Variants in AK2 observed in about 807,000 individuals in gnomAD.
The protein encoded by AK2 is adenylate kinase 2, mitochondrial.
AK2 carries 15 observed loss-of-function variants against 24.6 expected under a neutral mutation model. The observed-to-expected ratio is 0.61, with a 90% CI of 0.41 to 0.94. AK2 has a LOEUF of 0.94. Ranked by LOEUF, AK2 falls within the 40% of genes least tolerant of loss-of-function variation. AK2 has a pLI of 0.00. For missense variants in AK2, 257 were observed against 304.1 expected (o/e 0.85, Z 1.15); for synonymous variants, 102 against 114.0 (o/e 0.90, Z 0.67).
chr1:33,031,397 G>C (rs74672343), intron 1 of AK2: 20 of 311,372 alleles, frequency 6.4e-5, no homozygotes, highest in Non-Finnish European at 1.2e-4. Flanking sequence ...TCAGTAAAAA[G>C]GACCTATCTC....
chr1:33,031,794 C>A, intron 1 of AK2: 1 of 411,354 alleles, frequency 2.4e-6, no homozygotes, highest in Non-Finnish European at 5.0e-6. Flanking sequence ...AAGTTTGACA[C>A]ATGGAAGAAA....
chr1:33,011,866 C>T lies in AK2; in HGVS notation c.*1315G>A. Reference sequence around the variant, plus strand: ...TTCTTGGGGAAGTCCATGGCTATAGCCATCATAAAATTAGGGGTGAAGGGT... The same window carrying T: ...TTCTTGGGGAAGTCCATGGCTATAGTCATCATAAAATTAGGGGTGAAGGGT... On this transcript the variant is annotated 3_prime_UTR_variant, in exon 6 of 6. Transcript: ENST00000672715. 1 of 1,526,228 alleles carries T rather than the reference C, an allele frequency of 6.6e-7. No individual in the cohort carries two copies. The highest frequency in any genetic ancestry group is 8.8e-7 in the Non-Finnish European group (1 of 1,142,662). 94.5% of individuals were successfully genotyped at this position (1,526,228 alleles called of 1,614,324 possible).
At chr1:33,017,971 C>T (rs1375296848) in intron 4 of AK2, among the ~76,000 whole-genome samples, 2 of 152,030 alleles carry the variant, frequency 1.3e-5, no homozygotes, top group Non-Finnish European at 2.9e-5. Context: ...TGCTATGTTG[C>T]TCAAGCTGGT....
At position 33,009,645 on chromosome 1, in the gene AK2, A is replaced by C. The variant is rs1014224717; in HGVS notation, c.*3536T>G. The C allele has an allele frequency of 2.2e-6, 1 of 454,024 alleles. No homozygotes were observed. The highest frequency in any genetic ancestry group is 2.0e-5 in the African/African-American group (1 of 50,012). 28.1% of individuals were successfully genotyped at this position (454,024 alleles called of 1,614,324 possible). ...AGCTGAGGAAACAGGAGCACAGTGAATAACTAACTGGCTGGGATTTGTCCT... is the reference window on the plus strand; with the variant it reads ...AGCTGAGGAAACAGGAGCACAGTGACTAACTAACTGGCTGGGATTTGTCCT... On this transcript the variant is annotated 3_prime_UTR_variant, in exon 6 of 6. Coordinates refer to ENST00000672715, the MANE Select transcript of AK2 (RefSeq NM_001625.4).
intron 1 of AK2, among the ~76,000 whole-genome samples, chr1:33,026,931 G>C (rs1171482049): frequency 2.0e-5 from 3 of 151,620 alleles, no homozygotes; most frequent in African/African-American, 4.8e-5. Context: ...TTCGAGACTA[G>C]CCTGGCCAAC....
At chr1:33,035,940 G>C (rs951240608) in intron 1 of AK2, among the ~76,000 whole-genome samples, 1 of 151,986 alleles carries the variant, frequency 6.6e-6, no homozygotes, top group African/African-American at 2.4e-5. Flanking sequence ...CCAAAGGGAA[G>C]GAAGATACAA....
At chr1:33,032,753 T>G (rs2124384970) in intron 1 of AK2, among the ~76,000 whole-genome samples, 1 of 152,268 alleles carries the variant, frequency 6.6e-6, no homozygotes, top group South Asian at 2.1e-4. Flanking sequence ...TATATACTAA[T>G]TAAGTATAAA....
chr1:33,016,452 C>T lies in AK2; in HGVS notation c.426-1858G>A, dbSNP rs367742570. Among the ~76,000 whole-genome samples, 73 of 152,086 alleles carry T rather than the reference C, an allele frequency of 4.8e-4. 1 individual carries two copies. Among genetic ancestry groups the T allele is most frequent in the African/African-American group, 1.5e-3 (62 of 41,496 alleles). ...GGTCTCGATCTCCTGACCTCGTGAT[C>T]CACCTGCCTCAGCCTTCCGAAGTGC... is the stretch of plus-strand genomic sequence containing the variant. On this transcript the variant is annotated intron_variant, in intron 4 of 5. Coordinates refer to ENST00000672715, the MANE Select transcript of AK2 (RefSeq NM_001625.4).
rs1038849318 is a variant in AK2, at chr1:33,008,643, G to C, written c.*4538C>G. 8.8e-6 allele frequency: 4 copies of C among 454,090 alleles called. No individual in the cohort carries two copies. The Admixed American group carries it at 9.4e-5, about 11-fold the overall frequency. 28.1% of individuals were successfully genotyped at this position (454,090 alleles called of 1,614,324 possible). ...TCAGTCCTGACTGCCTCTTATGCATGACCTCAGGAATGCCACTTCACCTCT... is the reference window on the plus strand; with the variant it reads ...TCAGTCCTGACTGCCTCTTATGCATCACCTCAGGAATGCCACTTCACCTCT... On this transcript the variant is annotated 3_prime_UTR_variant, in exon 6 of 6. Coordinates refer to ENST00000672715, the MANE Select transcript of AK2 (RefSeq NM_001625.4).
At chr1:33,025,660 G>A (rs893411060) in intron 1 of AK2, among the ~76,000 whole-genome samples, 1 of 152,190 alleles carries the variant, frequency 6.6e-6, no homozygotes, top group African/African-American at 2.4e-5. Context: ...CAGACTCCAG[G>A]TCCACTAACC....
chr1:33,023,029 G>A (rs1639652520), intron 2 of AK2, among the ~76,000 whole-genome samples: 2 of 152,138 alleles, frequency 1.3e-5, no homozygotes, highest in African/African-American at 2.4e-5. Flanking sequence ...ATTTGATACA[G>A]CTACAGAATC....
chr1:33,012,644 C>T lies in AK2; in HGVS notation c.*537G>A. On this transcript the variant is annotated 3_prime_UTR_variant, in exon 6 of 6. Coordinates refer to ENST00000672715, the MANE Select transcript of AK2 (RefSeq NM_001625.4). ...GGGTGTAGTGGCTCACGTCTGTGAT[C>T]CTGGCACTTCAGGAGGCCAAGGTGG... 1 of 1,287,726 alleles carries T rather than the reference C, an allele frequency of 7.8e-7. No individual in the cohort carries two copies. The highest frequency in any genetic ancestry group is 1.2e-5 in the South Asian group (1 of 80,856). 79.8% of individuals were successfully genotyped at this position (1,287,726 alleles called of 1,614,324 possible). A position where few individuals can be genotyped will look rare whatever the true frequency, so the allele number is the denominator to read the frequency against.
Position 33,010,086 on chromosome 1 carries a change from C to T in AK2, c.*3095G>A, listed in dbSNP as rs201444233. The T allele has an allele frequency of 2.7e-6, 1 of 367,862 alleles. No homozygotes were observed. The highest frequency in any genetic ancestry group is 2.8e-5 in the Admixed American group (1 of 35,330). The allele number at this position is 367,862 out of a possible 1,614,324, so 22.8% of individuals were successfully genotyped here. A position where few individuals can be genotyped will look rare whatever the true frequency, so the allele number is the denominator to read the frequency against. On this transcript the variant is annotated 3_prime_UTR_variant, in exon 6 of 6. Coordinates refer to ENST00000672715, the MANE Select transcript of AK2 (RefSeq NM_001625.4). ...TCTTTGGATGACATAGCTTAGGACA[C>T]TTGCTCATTTATTTAAAAGAGTCCC...
chr1:33,014,767 C>T (rs1467519019), intron 4 of AK2, among the ~76,000 whole-genome samples, 173 bp from the exon 5 acceptor site: 1 of 152,202 alleles, frequency 6.6e-6, no homozygotes, highest in Non-Finnish European at 1.5e-5. Flanking sequence ...ATGCCAGCGG[C>T]AGAGTATATT....
Position 33,008,466 on chromosome 1 carries a change from G to A in AK2, c.*4715C>T, listed in dbSNP as rs983438819. 1 of 453,996 alleles carries A rather than the reference G, an allele frequency of 2.2e-6. No individual in the cohort carries two copies. Among genetic ancestry groups the A allele is most frequent in the African/African-American group, 2.0e-5 (1 of 50,012 alleles). 28.1% of individuals were successfully genotyped at this position (453,996 alleles called of 1,614,324 possible). A position where few individuals can be genotyped will look rare whatever the true frequency, so the allele number is the denominator to read the frequency against. ...ATACCCTAGGCCCTCAGAGCCGGCA[G>A]TGACTTCTTCAAAATCAGTTCCGGC... On this transcript the variant is annotated 3_prime_UTR_variant, in exon 6 of 6. Transcript: ENST00000672715.
chr1:33,018,530 C>T (rs1639334912), intron 4 of AK2, among the ~76,000 whole-genome samples: 1 of 152,154 alleles, frequency 6.6e-6, no homozygotes, highest in African/African-American at 2.4e-5. Flanking sequence ...GACTACGAGG[C>T]AGAAAGCAGG....
rs540849637 is a variant in AK2, at chr1:33,036,248, C to T, written c.93+488G>A. ...CAGCACATGTCACCTCTCACTCTGC[C>T]CCACGTGTTGGAGATGCTTCTCCTC... On this transcript the variant is annotated intron_variant, in intron 1 of 5. Coordinates refer to ENST00000672715, the MANE Select transcript of AK2 (RefSeq NM_001625.4). Among the ~76,000 whole-genome samples, 4 of 152,290 alleles carry T rather than the reference C, an allele frequency of 2.6e-5. No homozygotes were observed. The South Asian group carries it at 6.2e-4, about 24-fold the overall frequency.
chr1:33,024,685 AC>A (rs1226014136), intron 1 of AK2, 118 bp from the exon 2 acceptor site: 6 of 1,266,850 alleles, frequency 4.7e-6, no homozygotes, highest in Non-Finnish European at 6.8e-6. Context: ...GCAAATGCCT[AC>A]TTCCTTACCT....
chr1:33,021,474 G>T lies in AK2; in HGVS notation c.331-13C>A. ...TGAGGTCATCGAGCTGTAAAAGAAT[G>T]TGTGGCCCACCTAAGCTACCAGAGC... On this transcript the variant is annotated splice_polypyrimidine_tract_variant and intron_variant, in intron 3 of 5. Coordinates refer to ENST00000672715, the MANE Select transcript of AK2 (RefSeq NM_001625.4). 6.2e-7 allele frequency: 1 copy of T among 1,613,032 alleles called. No homozygotes were observed. The highest frequency in any genetic ancestry group is 8.5e-7 in the Non-Finnish European group (1 of 1,178,982).
Sources: allele counts gnomAD v4.1 joint callset (sites outside exome capture counted in the v4.1 genomes callset), GRCh38; gene constraint gnomAD v4.1.1; transcripts MANE v1.5; gene names NCBI Gene and HGNC (gene_info 2026-07-23, HGNC 2026-07-21).